The following C12orf76 variants were observed in gnomAD, a reference collection of about 807,000 sequenced individuals.
C12orf76 encodes the protein chromosome 12 open reading frame 76.
A neutral mutation model predicts 6.8 loss-of-function variants in C12orf76; 6 were observed. That is an observed-to-expected ratio of 0.88 (90% CI 0.48 to 1.73). C12orf76 has a LOEUF of 1.73. Ranked by LOEUF, C12orf76 falls within the 40% of genes most tolerant of loss-of-function variation. C12orf76 has a pLI of 0.01. For missense variants in C12orf76, 99 were observed against 98.2 expected, an observed-to-expected ratio of 1.01 and a Z score of -0.03; for synonymous variants, 56 against 43.7, an observed-to-expected ratio of 1.28 and a Z score of -1.11.
chr12:110,068,253 G>GAAGAAGAAGAAGAAGAA (rs1566080015), upstream of C12orf76, among the ~76,000 whole-genome samples: 162 of 43,178 alleles, frequency 3.8e-3, 3 homozygotes, highest in African/African-American at 0.015. Flanking sequence ...GAAGAAAGAA[G>GAAGAAGAAGAAGAAGAA]AAGAAGAAGA....
At chr12:110,056,811 C>A in intron 4 of C12orf76, 1 of 191,032 alleles carries the variant, frequency 5.2e-6, no homozygotes, top group Non-Finnish European at 1.1e-5. Flanking sequence ...TTTTGCTTGG[C>A]TCTTAGTCAC....
intron 1 of C12orf76, among the ~76,000 whole-genome samples, chr12:110,047,700 C>A (rs931048024): frequency 1.3e-5 from 2 of 152,144 alleles, no homozygotes; most frequent in South Asian, 2.1e-4. Flanking sequence ...AAAAAAAGGG[C>A]TGCAAACCGT....
At chr12:110,063,186 C>T (rs908386612) in intron 2 of C12orf76, among the ~76,000 whole-genome samples, 15 of 150,878 alleles carry the variant, frequency 9.9e-5, no homozygotes, top group East Asian at 2.0e-4. Flanking sequence ...GTGATCCGCC[C>T]GCCTCAGCCT....
chr12:110,053,145 T>A (rs1413683949), upstream of C12orf76, among the ~76,000 whole-genome samples: 3 of 147,490 alleles, frequency 2.0e-5, no homozygotes, highest in Admixed American at 6.9e-5. Context: ...TAAGCCAATA[T>A]CGTGCCACTG....
At chr12:110,053,282 C>T (rs1304037434), upstream of C12orf76, among the ~76,000 whole-genome samples, 1 of 151,922 alleles carries the variant, frequency 6.6e-6, no homozygotes, top group Admixed American at 6.6e-5. Flanking sequence ...GTGGATCACT[C>T]AAGACCAGAA....
upstream of C12orf76, chr12:110,048,650 G>T (rs544979960): frequency 9.4e-6 from 12 of 1,281,846 alleles, no homozygotes; most frequent in East Asian, 3.8e-4. Flanking sequence ...TTCTGCCTAA[G>T]ATTTGTTCCG....
chr12:110,051,409 A>T, upstream of C12orf76: 1 of 609,292 alleles, frequency 1.6e-6, no homozygotes, highest in Non-Finnish European at 2.9e-6. Context: ...CACTCGCTAT[A>T]GGAAAGCTGC....
At chr12:110,068,914 G>A (rs1220462746), upstream of C12orf76, among the ~76,000 whole-genome samples, 1 of 152,174 alleles carries the variant, frequency 6.6e-6, no homozygotes, top group African/African-American at 2.4e-5. Flanking sequence ...CTACACAGAT[G>A]GCTAAGTCAT....
chr12:110,073,625 A>G, exon 1 of C12orf76: 1 of 419,000 alleles, frequency 2.4e-6, no homozygotes, highest in South Asian at 1.8e-5. Flanking sequence ...CCTCCCAGTA[A>G]CTGCAAAATG....
At position 110,042,001 on chromosome 12, in the gene C12orf76, CT is replaced by C. The variant is rs1348674219; in HGVS notation, c.*372del. The C allele has an allele frequency of 4.8e-6, 1 of 206,336 alleles. No individual in the cohort carries two copies. Among genetic ancestry groups the C allele is most frequent in the Non-Finnish European group, 9.9e-6 (1 of 101,276 alleles). 12.8% of individuals were successfully genotyped at this position (206,336 alleles called of 1,614,324 possible). On this transcript the variant is annotated 3_prime_UTR_variant, in exon 2 of 2. Transcript: ENST00000615315. ...GAATGTCTGCATGGTAAGTCTCCTT[CT>C]TAATAACATTTTCAAGCATTAATGA...
intron 3 of C12orf76, chr12:110,058,843 TG>T: frequency 1.2e-6 from 1 of 869,450 alleles, no homozygotes; most frequent in Non-Finnish European, 1.7e-6. Flanking sequence ...AAACAATTTT[TG>T]GTAACCCTAA....
intron 1 of C12orf76, among the ~76,000 whole-genome samples, chr12:110,042,783 T>A (rs1407117339): frequency 6.6e-6 from 1 of 150,440 alleles, no homozygotes; most frequent in African/African-American, 2.5e-5. Context: ...ACAGGCCGAG[T>A]GTGGTGGCTC....
chr12:110,042,384 C>T lies in C12orf76; in HGVS notation c.209G>A (p.Arg70Gln), dbSNP rs1231967265. 3.7e-6 allele frequency: 6 copies of T among 1,613,752 alleles called. No individual in the cohort carries two copies. The African/African-American group carries it at 4.0e-5, about 11-fold the overall frequency. ...LMAFCVYKPI[R>Q]RR ...GAACTTGTCTGGCTGTCACCGACGCCGAATGGGCTTGTAGACACAAAATGC... is the reference window on the plus strand; with the variant it reads ...GAACTTGTCTGGCTGTCACCGACGCTGAATGGGCTTGTAGACACAAAATGC... The change falls in exon 2 of 2, where the codon CGG becomes CAG. Residue 70 changes from arginine (R) to glutamine (Q), a missense_variant. Arg to Gln is a conservative substitution (Grantham distance 43, BLOSUM62 1). Coordinates refer to ENST00000615315, the MANE Select transcript of C12orf76 (RefSeq NM_001389625.1).
At chr12:110,051,480 G>A (rs777931316), upstream of C12orf76, among the ~76,000 whole-genome samples, 2 of 151,944 alleles carry the variant, frequency 1.3e-5, no homozygotes, top group East Asian at 1.9e-4. Flanking sequence ...AGGTTGGAGT[G>A]CAGTGGTGTG....
intron 2 of C12orf76, among the ~76,000 whole-genome samples, chr12:110,060,902 G>A (rs140696922): frequency 5.7e-4 from 87 of 152,096 alleles, no homozygotes; most frequent in African/African-American, 1.9e-3. Flanking sequence ...AGGTGTGGTG[G>A]CGGGCACCTG....
chr12:110,046,236 G>T (rs1290453999), intron 1 of C12orf76, among the ~76,000 whole-genome samples: 1 of 152,084 alleles, frequency 6.6e-6, no homozygotes, highest in African/African-American at 2.4e-5. Flanking sequence ...GACCATCCTG[G>T]CCAACATGGT....
At chr12:110,043,818 G>T (rs1013400350) in intron 1 of C12orf76, among the ~76,000 whole-genome samples, 3 of 151,066 alleles carry the variant, frequency 2.0e-5, no homozygotes, top group African/African-American at 7.3e-5. Context: ...TTATACCACT[G>T]CACTCCAGCC....
At chr12:110,045,559 G>A (rs987098964) in intron 1 of C12orf76, among the ~76,000 whole-genome samples, 3 of 151,748 alleles carry the variant, frequency 2.0e-5, no homozygotes, top group Admixed American at 6.6e-5. Context: ...GCACTGGCCT[G>A]GCAACAGAGC....
upstream of C12orf76, among the ~76,000 whole-genome samples, chr12:110,053,103 A>G (rs919258984): frequency 6.6e-6 from 1 of 151,920 alleles, no homozygotes; most frequent in Non-Finnish European, 1.5e-5. Flanking sequence ...GAGGCAGGAG[A>G]ATCACTTGAA....
Sources: gnomAD v4.1 joint callset for allele counts (sites outside exome capture counted in the v4.1 genomes callset) on GRCh38, gnomAD v4.1.1 for gene constraint, MANE v1.5 for transcripts, NCBI Gene and HGNC (gene_info 2026-07-23, HGNC 2026-07-21) for gene names.